TCEANC2: variants seen among roughly 807,000 people sequenced by gnomAD.
TCEANC2 encodes transcription elongation factor A N-terminal and central domain containing 2.
A neutral mutation model predicts 22.8 loss-of-function variants in TCEANC2; 20 were observed. That is an observed-to-expected ratio of 0.88 (90% confidence interval 0.62 to 1.28). The LOEUF (loss-of-function observed/expected upper bound fraction) is 1.28, where lower values mean the gene tolerates loss of function less well. Among genes scored for constraint, TCEANC2 ranks in the 50% most tolerant of loss-of-function variants. The probability of loss-of-function intolerance (pLI) is 0.00; values close to 1 mark genes in which losing one functional copy is unlikely to be tolerated. For missense variants in TCEANC2, 251 were observed against 249.7 expected, an observed-to-expected ratio of 1.01 and a Z score of -0.03; for synonymous variants, 84 against 95.5, an observed-to-expected ratio of 0.88 and a Z score of 0.70.
In TCEANC2 at chr1:54,097,061, C is replaced by T. The variant is rs1163638273; in HGVS notation, c.*588C>T. 2.1e-5 allele frequency: 19 copies of T among 886,010 alleles called. No individual in the cohort carries two copies. Among genetic ancestry groups the T allele is most frequent in the Non-Finnish European group, 2.6e-5 (19 of 739,058 alleles). The allele number at this position is 886,010 out of a possible 1,614,324, so 54.9% of individuals were successfully genotyped here. ...CTTCTGCGTTGGTCTCCAGAGCCCC[C>T]ATGCTGAGGCTACTAATGAGGAACT... is the stretch of plus-strand genomic sequence containing the variant. On this transcript the variant is annotated 3_prime_UTR_variant, in exon 5 of 5. Coordinates refer to ENST00000234827, the MANE Select transcript of TCEANC2 (RefSeq NM_153035.3).
chr1:54,089,958 G>A, intron 4 of TCEANC2: 1 of 741,496 alleles, frequency 1.3e-6, no homozygotes, highest in Non-Finnish European at 2.4e-6. Context: ...TGATTTTCAT[G>A]ATAAATATGG....
chr1:54,077,047 A>T (rs964934415), intron 3 of TCEANC2, among the ~76,000 whole-genome samples: 1 of 152,146 alleles, frequency 6.6e-6, no homozygotes. Flanking sequence ...GTAAACATTG[A>T]GGTGAGACAC....
intron 2 of TCEANC2, among the ~76,000 whole-genome samples, chr1:54,061,413 T>C (rs1198234976): frequency 6.6e-6 from 1 of 152,204 alleles, no homozygotes; most frequent in East Asian, 1.9e-4. Context: ...AATAGTTTCC[T>C]CTTTTCATGT....
At chr1:54,060,384 G>A (rs1226978378) in intron 2 of TCEANC2, among the ~76,000 whole-genome samples, 2 of 150,412 alleles carry the variant, frequency 1.3e-5, no homozygotes, top group Middle Eastern at 3.5e-3. Flanking sequence ...CAAGCTGGGC[G>A]ACAGAGCGAG....
Position 54,068,909 on chromosome 1 carries a change from C to G in TCEANC2, c.244+12C>G, listed in dbSNP as rs763139705. The G allele has an allele frequency of 2.4e-5, 36 of 1,521,808 alleles. No individual in the cohort carries two copies. Among genetic ancestry groups the G allele is most frequent in the Non-Finnish European group, 3.1e-5 (35 of 1,141,002 alleles). The allele number at this position is 1,521,808 out of a possible 1,614,324, so 94.3% of individuals were successfully genotyped here. On this transcript the variant is annotated intron_variant, in intron 3 of 4. Coordinates refer to ENST00000234827, the MANE Select transcript of TCEANC2 (RefSeq NM_153035.3). ...ATCAACAAGGATAGGTATATTCCTT[C>G]TTAATTTTATTTTTTAAGAAAGCTT...
In TCEANC2 at chr1:54,096,796, C is replaced by T. The variant is rs1006582141; in HGVS notation, c.*323C>T. 2 of 1,046,418 alleles carry T rather than the reference C, an allele frequency of 1.9e-6. No individual in the cohort carries two copies. The highest frequency in any genetic ancestry group is 3.3e-5 in the African/African-American group (2 of 59,936). The allele number at this position is 1,046,418 out of a possible 1,614,324, so 64.8% of individuals were successfully genotyped here. On this transcript the variant is annotated 3_prime_UTR_variant, in exon 5 of 5. Coordinates refer to ENST00000234827, the MANE Select transcript of TCEANC2 (RefSeq NM_153035.3). The surrounding 1 kb of genome is among the most constrained non-coding windows in gnomAD (Gnocchi z 4.9). ...ATATGCCAAGGACACCTCTAAACTT[C>T]CCCCATGTCAGTCAGATGAAGTTAC... is the stretch of plus-strand genomic sequence containing the variant.
chr1:54,083,259 G>A (rs1382890910), intron 3 of TCEANC2, among the ~76,000 whole-genome samples: 3 of 152,278 alleles, frequency 2.0e-5, no homozygotes, highest in Non-Finnish European at 4.4e-5. Context: ...ACGTAGTTGG[G>A]AGTCATCTGC....
intron 4 of TCEANC2, chr1:54,089,710 T>A (rs545938822): frequency 3.1e-5 from 8 of 254,580 alleles, no homozygotes; most frequent in East Asian, 2.5e-4. Flanking sequence ...CTAAAAAAAA[T>A]TTTAGCCTTT....
rs368534464 is a variant in TCEANC2 at position 54,058,299 on chromosome 1, C to T, written c.102+3775C>T. ...CCTGACCACCCTTTTGTCCCTGAGACGCAGAGCCAATCTAATCACTCCCTT... is the reference window on the plus strand; with the variant it reads ...CCTGACCACCCTTTTGTCCCTGAGATGCAGAGCCAATCTAATCACTCCCTT... On this transcript the variant is annotated intron_variant, in intron 2 of 4. Transcript: ENST00000234827. 2.5e-4 allele frequency among the ~76,000 whole-genome samples: 38 copies of T among 152,294 alleles called. No individual in the cohort carries two copies. In the South Asian group the frequency reaches 5.8e-3, roughly 23 times the overall value.
exon 5 of TCEANC2, chr1:54,111,713 CA>C (rs1398612928): frequency 4.6e-5 from 7 of 152,366 alleles, no homozygotes; most frequent in Admixed American, 3.3e-4. Context: ...CCTCATTTGG[CA>C]AATGAAAAGC....
At chr1:54,076,290 T>C (rs1245543747) in intron 3 of TCEANC2, among the ~76,000 whole-genome samples, 1 of 152,180 alleles carries the variant, frequency 6.6e-6, no homozygotes, top group Non-Finnish European at 1.5e-5. Context: ...CCTCAGTGTC[T>C]GTTCCCTTTT....
In TCEANC2 at chr1:54,100,807, TTGAGGAGG is replaced by T. The variant is rs1253823295; in HGVS notation, c.*4340_*4347del. 1 of 152,208 alleles carries T rather than the reference TTGAGGAGG, an allele frequency of 6.6e-6. No individual in the cohort carries two copies. Among genetic ancestry groups the T allele is most frequent in the African/African-American group, 2.4e-5 (1 of 41,452 alleles). The allele number at this position is 152,208 out of a possible 1,614,324, so 9.4% of individuals were successfully genotyped here. ...GATAATGGGATACCATGGGAAGTTT[TTGAGGAGG>T]TGAGGGACCTAATCAGATGTGTGTT... On this transcript the variant is annotated 3_prime_UTR_variant, in exon 5 of 5. Transcript: ENST00000234827.
intron 3 of TCEANC2, among the ~76,000 whole-genome samples, chr1:54,071,428 G>A (rs1658053886): frequency 6.6e-6 from 1 of 152,172 alleles, no homozygotes; most frequent in African/African-American, 2.4e-5. Context: ...CAGGATTGCT[G>A]GCAGGAGGCC....
chr1:54,061,869 G>A (rs1657863279), intron 2 of TCEANC2, among the ~76,000 whole-genome samples: 1 of 152,148 alleles, frequency 6.6e-6, no homozygotes, highest in African/African-American at 2.4e-5. Flanking sequence ...TGCCATAGGT[G>A]TATCACATTC....
At chr1:54,107,397 G>C (rs1425451488), downstream of TCEANC2, among the ~76,000 whole-genome samples, 5 of 152,070 alleles carry the variant, frequency 3.3e-5, no homozygotes, top group Non-Finnish European at 7.4e-5. Context: ...CTGAGTGCTT[G>C]GTTACGTTAG....
At chr1:54,091,906 G>A (rs1279264968) in intron 4 of TCEANC2, among the ~76,000 whole-genome samples, 1 of 152,166 alleles carries the variant, frequency 6.6e-6, no homozygotes, top group Non-Finnish European at 1.5e-5. Flanking sequence ...TTCTCAAAGT[G>A]AGCCTGTATC....
exon 5 of TCEANC2, chr1:54,111,652 C>T (rs910133395): frequency 6.6e-6 from 1 of 152,234 alleles, no homozygotes. Context: ...CATCACACAG[C>T]TCTCCCATGT....
chr1:54,092,728 A>G (rs1181005244), intron 4 of TCEANC2, among the ~76,000 whole-genome samples: 19 of 152,130 alleles, frequency 1.2e-4, no homozygotes, highest in Non-Finnish European at 7.3e-5. Context: ...AAACGCATGA[A>G]GAAGACCCTG....
rs148096371 is a variant in TCEANC2, at chr1:54,098,671, G to A, written c.*2198G>A. 1.2e-3 allele frequency: 183 copies of A among 152,310 alleles called. No homozygotes were observed. Among genetic ancestry groups the A allele is most frequent in the Non-Finnish European group, 2.4e-3 (162 of 68,054 alleles). The allele number at this position is 152,310 out of a possible 1,614,324, so 9.4% of individuals were successfully genotyped here. The stretch of plus-strand genomic sequence containing the variant: ...CTGGAACAGAGCCTGGGACAAGCTA[G>A]GTCTCCATAACTATTTATTGGATAG... On this transcript the variant is annotated 3_prime_UTR_variant, in exon 5 of 5. Transcript: ENST00000234827.
Sources: allele counts gnomAD v4.1 joint callset (sites outside exome capture counted in the v4.1 genomes callset), GRCh38; gene constraint gnomAD v4.1.1; non-coding constraint Gnocchi (gnomAD v3.1); transcripts MANE v1.5; gene names NCBI Gene and HGNC (gene_info 2026-07-23, HGNC 2026-07-21).